Variants in DCAF16 observed in about 807,000 individuals in gnomAD.
DCAF16 encodes DDB1 and CUL4 associated factor 16.
In DCAF16, 10 loss-of-function variants were observed where a neutral mutation model predicts 17.3. That is an observed-to-expected ratio of 0.58 (90% CI 0.36 to 0.98). The LOEUF is 0.98. DCAF16 is among the 50% of genes least tolerant of loss of function. DCAF16 has a pLI of 0.01. For missense variants in DCAF16, 249 were observed against 247.6 expected (o/e 1.01, Z -0.04); for synonymous variants, 111 against 92.8 (o/e 1.20, Z -1.12).
At chr4:17,797,351 A>C (rs544105203), downstream of DCAF16, among the ~76,000 whole-genome samples, 2 of 152,340 alleles carry the variant, frequency 1.3e-5, no homozygotes, top group South Asian at 4.1e-4. Context: ...CTGAAATTCA[A>C]ATGTATTCGG....
Position 17,803,309 on chromosome 4 carries a change from G to A in DCAF16, c.*182C>T. The A allele has an allele frequency of 1.6e-6, 1 of 621,082 alleles. No individual in the cohort carries two copies. Among genetic ancestry groups the A allele is most frequent in the South Asian group, 2.0e-5 (1 of 50,332 alleles). 38.5% of individuals were successfully genotyped at this position (621,082 alleles called of 1,614,324 possible). On this transcript the variant is annotated 3_prime_UTR_variant, in exon 3 of 3. Coordinates refer to ENST00000382247, the MANE Select transcript of DCAF16 (RefSeq NM_017741.4). ...CAAAGTGCTGGGATTACAGGTGTGA[G>A]CCACCATGCCTGACCTTGATATTAT...
downstream of DCAF16, among the ~76,000 whole-genome samples, chr4:17,796,048 A>G (rs1244419639): frequency 6.6e-6 from 1 of 152,176 alleles, no homozygotes; most frequent in Non-Finnish European, 1.5e-5. Flanking sequence ...GCACATCACT[A>G]CCATTACCAT....
chr4:17,796,825 AT>A (rs534408362), downstream of DCAF16, among the ~76,000 whole-genome samples: 681 of 152,056 alleles, frequency 4.5e-3, 16 homozygotes, highest in Non-Finnish European at 2.6e-3. Context: ...CGTGTCTCCT[AT>A]AAAAACTCTC....
intron 1 of DCAF16, among the ~76,000 whole-genome samples, chr4:17,808,985 C>T (rs532443560): frequency 1.3e-5 from 2 of 152,068 alleles, no homozygotes; most frequent in Admixed American, 6.5e-5. Flanking sequence ...GCCGAGATCG[C>T]GCCATTGCAC....
downstream of DCAF16, among the ~76,000 whole-genome samples, chr4:17,798,232 G>C (rs992596613): frequency 5.3e-5 from 8 of 150,500 alleles, no homozygotes; most frequent in Admixed American, 6.6e-5. Context: ...ACTTGAAACT[G>C]TTGCTAACGT....
intron 1 of DCAF16, among the ~76,000 whole-genome samples, chr4:17,808,323 C>G (rs1720515245): frequency 6.6e-6 from 1 of 152,076 alleles, no homozygotes. Flanking sequence ...TTGTGCTGTC[C>G]TCTAATATTT....
At chr4:17,806,622 T>C (rs1013175799) in intron 1 of DCAF16, among the ~76,000 whole-genome samples, 7 of 152,192 alleles carry the variant, frequency 4.6e-5, no homozygotes, top group Non-Finnish European at 8.8e-5. Flanking sequence ...CATAAAGATA[T>C]CAACTTTCTC....
chr4:17,799,809 G>A (rs1319719803), downstream of DCAF16, among the ~76,000 whole-genome samples: 1 of 152,084 alleles, frequency 6.6e-6, no homozygotes, highest in East Asian at 1.9e-4. Context: ...ATTAAAAGAC[G>A]TGATTATGGT....
At position 17,803,449 on chromosome 4, in the gene DCAF16, T is replaced by C. The variant is rs1304723943; in HGVS notation, c.*42A>G. The stretch of plus-strand genomic sequence containing the variant: ...TAATGACTAACTTTGTACCACTTTC[T>C]CAATTAGCAACATCAGAGATATCAG... On this transcript the variant is annotated 3_prime_UTR_variant, in exon 3 of 3. Coordinates refer to ENST00000382247, the MANE Select transcript of DCAF16 (RefSeq NM_017741.4). 6.4e-7 allele frequency: 1 copy of C among 1,568,420 alleles called. No individual in the cohort carries two copies. Among genetic ancestry groups the C allele is most frequent in the East Asian group, 2.2e-5 (1 of 44,650 alleles).
At chr4:17,797,819 T>C (rs938640440), downstream of DCAF16, among the ~76,000 whole-genome samples, 4 of 152,172 alleles carry the variant, frequency 2.6e-5, no homozygotes, top group Non-Finnish European at 5.9e-5. Flanking sequence ...ATTGCTTAAT[T>C]AATTTATTGT....
rs1399632760 is a variant in DCAF16 at position 17,804,867 on chromosome 4, GTCTTACAGAC to G, written c.-630-106_-630-97del. ...AATCAGAACAAATGCTGAGCAAGAA[GTCTTACAGAC>G]TCTTCCCTCTCTATCTCACAGACTT... On this transcript the variant is annotated intron_variant, in intron 2 of 2. Coordinates refer to ENST00000382247, the MANE Select transcript of DCAF16 (RefSeq NM_017741.4). 3 of 162,852 alleles carry G rather than the reference GTCTTACAGAC, an allele frequency of 1.8e-5. No homozygotes were observed. In the East Asian group the frequency reaches 5.8e-4, roughly 31 times the overall value. 10.1% of individuals were successfully genotyped at this position (162,852 alleles called of 1,614,324 possible). A position where few individuals can be genotyped will look rare whatever the true frequency, so the allele number is the denominator to read the frequency against.
intron 1 of DCAF16, among the ~76,000 whole-genome samples, chr4:17,805,980 C>T (rs141604095): frequency 6.6e-6 from 1 of 152,172 alleles, no homozygotes; most frequent in East Asian, 1.9e-4. Flanking sequence ...ACAACAACAA[C>T]AGCAAAAAGT....
At chr4:17,794,593 C>G in the DCAF16 span, among the ~76,000 whole-genome samples, 1 of 152,058 alleles carries the variant, frequency 6.6e-6, no homozygotes, top group Non-Finnish European at 1.5e-5. Flanking sequence ...TAAATAAATA[C>G]AAAATTGAGA....
At chr4:17,796,135 G>T (rs186312771), downstream of DCAF16, among the ~76,000 whole-genome samples, 1 of 152,316 alleles carries the variant, frequency 6.6e-6, no homozygotes, top group African/African-American at 2.4e-5. Flanking sequence ...CTGCTAGAGA[G>T]ATAGCTGCCT....
chr4:17,806,585 TTCC>T (rs1720346769), intron 1 of DCAF16, among the ~76,000 whole-genome samples: 1 of 152,182 alleles, frequency 6.6e-6, no homozygotes, highest in Non-Finnish European at 1.5e-5. Context: ...AATACAGACA[TTCC>T]ATGCTCTTGG....
At chr4:17,806,259 T>G (rs991937913) in intron 1 of DCAF16, among the ~76,000 whole-genome samples, 2 of 152,230 alleles carry the variant, frequency 1.3e-5, no homozygotes, top group African/African-American at 4.8e-5. Flanking sequence ...CTCTAGTAAC[T>G]GCACAAATGT....
intron 1 of DCAF16, among the ~76,000 whole-genome samples, chr4:17,810,219 C>T (rs1308582444): frequency 6.6e-6 from 1 of 152,152 alleles, no homozygotes; most frequent in Non-Finnish European, 1.5e-5. Context: ...TAACCACTAC[C>T]CGAAAGACCT....
At chr4:17,808,849 C>T (rs1179735547) in intron 1 of DCAF16, among the ~76,000 whole-genome samples, 4 of 152,036 alleles carry the variant, frequency 2.6e-5, no homozygotes, top group East Asian at 1.9e-4. Context: ...GCCAACATGG[C>T]GAAACCCCGT....
At position 17,803,652 on chromosome 4, in the gene DCAF16, C is replaced by T. The variant is rs1020086832; in HGVS notation, c.490G>A (p.Glu164Lys). ...GAATTAGGGATCTGTTTTAGGTATT[C>T]AGGTATGGGAGTGGCTCTACTCAAT... The part of the protein sequence containing the change: ...RTLSRATPIP[E>K]YLKQIPNSCV... The change falls in exon 3 of 3, where the codon GAA (glutamate) becomes AAA (lysine). Residue 164 changes from glutamate to lysine, a missense_variant. Coordinates refer to ENST00000382247, the MANE Select transcript of DCAF16 (RefSeq NM_017741.4). The T allele has an allele frequency of 5.6e-6, 9 of 1,614,046 alleles. No individual in the cohort carries two copies. The highest frequency in any genetic ancestry group is 1.7e-5 in the Admixed American group (1 of 59,998).
Sources: allele counts gnomAD v4.1 joint callset (sites outside exome capture counted in the v4.1 genomes callset), GRCh38; gene constraint gnomAD v4.1.1; transcripts MANE v1.5; gene names NCBI Gene and HGNC (gene_info 2026-07-23, HGNC 2026-07-21).